DCLRE1C: variants seen among roughly 807,000 people sequenced by gnomAD.
DCLRE1C encodes the protein DNA cross-link repair 1C.
In DCLRE1C, 47 loss-of-function variants were observed where a neutral mutation model predicts 61.4. That is an observed-to-expected ratio of 0.77 (90% CI 0.61 to 0.98). The LOEUF (loss-of-function observed/expected upper bound fraction) is 0.98. Among genes scored for constraint, DCLRE1C ranks in the 50% least tolerant of loss-of-function variants. The pLI, the probability that DCLRE1C is intolerant of heterozygous loss-of-function variation, is 0.00. For missense variants in DCLRE1C, 858 were observed against 816.0 expected (o/e 1.05, Z -0.63); for synonymous variants, 337 against 287.6 (o/e 1.17, Z -1.74).
At chr10:14,899,739 G>C, downstream of DCLRE1C, 1 of 1,579,786 alleles carries the variant, frequency 6.3e-7, no homozygotes, top group Non-Finnish European at 8.6e-7. Context: ...CCTAGTACTA[G>C]TTTCCATAGC....
chr10:14,897,369 A>G (rs1231795610), exon 14 of DCLRE1C: 1 of 1,613,080 alleles, frequency 6.2e-7, no homozygotes, highest in African/African-American at 1.3e-5. Flanking sequence ...TCAAGGTGTC[A>G]GTGTGGTCCT....
At chr10:14,940,141 CCTT>C (rs1294767547) in intron 3 of DCLRE1C, among the ~76,000 whole-genome samples, 4 of 152,104 alleles carry the variant, frequency 2.6e-5, no homozygotes, top group Non-Finnish European at 2.9e-5. Context: ...CATTTTTCCT[CCTT>C]CATCTCCCCA....
chr10:14,939,757 A>G (rs1305489443), intron 4 of DCLRE1C, 53 bp downstream of exon 4: 1 of 1,446,636 alleles, frequency 6.9e-7, no homozygotes, highest in Admixed American at 1.7e-5. Flanking sequence ...AATATAAACA[A>G]TCATTTTAGC....
At chr10:14,924,665 G>A (rs926514988) in intron 11 of DCLRE1C, among the ~76,000 whole-genome samples, 1 of 151,924 alleles carries the variant, frequency 6.6e-6, no homozygotes, top group African/African-American at 2.4e-5. Context: ...TGGCTAACAC[G>A]GTGAAACCCC....
At chr10:14,913,219 G>A (rs77773235) in intron 13 of DCLRE1C, among the ~76,000 whole-genome samples, 8,313 of 152,320 alleles carry the variant, frequency 0.055, 297 homozygotes, top group South Asian at 0.15. Context: ...CCATAGATTA[G>A]TTGCGGCCTA....
intron 4 of DCLRE1C, among the ~76,000 whole-genome samples, chr10:14,937,127 G>A (rs1365788798): frequency 6.6e-6 from 1 of 152,140 alleles, no homozygotes; most frequent in African/African-American, 2.4e-5. Flanking sequence ...GTCCAATACA[G>A]TAGTGGTTGC....
Position 14,934,428 on chromosome 10 carries a change from A to G in DCLRE1C, c.630T>C (p.Tyr210=), listed in dbSNP as rs1839557963. ...GGTTGGTGAACAGATATTCATAGCC[A>G]TAAGCCGCTTTGCAGTTCAGCCACA... is the stretch of plus-strand genomic sequence containing the variant. ...HVVWLNCKAA[Y]GYEYLFTNLS... The change falls in exon 8 of 14, where the codon TAT becomes TAC. Residue 210 remains tyrosine, a synonymous_variant. Transcript: ENST00000378278. The G allele has an allele frequency of 6.2e-7, 1 of 1,614,166 alleles. No homozygotes were observed. The highest frequency in any genetic ancestry group is 8.5e-7 in the Non-Finnish European group (1 of 1,180,034).
chr10:14,934,747 C>T lies in DCLRE1C; in HGVS notation c.493G>A (p.Asp165Asn). The T allele has an allele frequency of 6.2e-7, 1 of 1,613,770 alleles. No individual in the cohort carries two copies. The highest frequency in any genetic ancestry group is 8.5e-7 in the Non-Finnish European group (1 of 1,179,746). The change falls in exon 7 of 14, where the codon GAT becomes AAT. Residue 165 changes from aspartate to asparagine, a missense_variant. By Grantham distance (23) the Asp-to-Asn change is conservative (BLOSUM62 1). Coordinates refer to ENST00000378278, the MANE Select transcript of DCLRE1C (RefSeq NM_001033855.3). ...RVKDIQSVYL[D>N]TTFCDPRFYQ... is the part of the protein sequence containing the mutation. Reference sequence around the variant, plus strand: ...AATCTTGGATCACAGAACGTAGTATCCAAATATACACTTTGGATGTCTTTG... The same window carrying T: ...AATCTTGGATCACAGAACGTAGTATTCAAATATACACTTTGGATGTCTTTG...
chr10:14,935,740 C>T (rs1255716618), intron 5 of DCLRE1C, among the ~76,000 whole-genome samples, 176 bp from the exon 6 acceptor site: 4 of 152,076 alleles, frequency 2.6e-5, no homozygotes, highest in African/African-American at 4.8e-5. Context: ...CCTCTTCCCT[C>T]GGGTAGAAAA....
At chr10:14,913,066 A>C (rs2131820304) in intron 13 of DCLRE1C, among the ~76,000 whole-genome samples, 1 of 152,048 alleles carries the variant, frequency 6.6e-6, no homozygotes, top group Admixed American at 6.6e-5. Context: ...CGTGTTAGCC[A>C]GGATGGTCTC....
intron 12 of DCLRE1C, among the ~76,000 whole-genome samples, chr10:14,920,118 A>G (rs11818131): frequency 0.011 from 1,671 of 152,294 alleles, 33 homozygotes; most frequent in African/African-American, 0.038. Context: ...TCAGTAGACT[A>G]AGGTAAAACT....
rs1833682902 is a variant in DCLRE1C, at chr10:14,897,699, A to G, written c.*1465T>C. On this transcript the variant is annotated 3_prime_UTR_variant, in exon 14 of 14. Transcript: ENST00000378289. ...GCATATTTAGAAATAAAAAACTTTT[A>G]TATGAATAAAAAATATACGTTAAAA... The G allele has an allele frequency of 1.6e-5, 7 of 445,046 alleles. No homozygotes were observed. In the East Asian group the frequency reaches 2.2e-4, roughly 14 times the overall value. The allele number at this position is 445,046 out of a possible 1,614,324, so 27.6% of individuals were successfully genotyped here. A position where few individuals can be genotyped will look rare whatever the true frequency, so the allele number is the denominator to read the frequency against.
intron 3 of DCLRE1C, among the ~76,000 whole-genome samples, chr10:14,942,962 T>C (rs1336370985): frequency 6.6e-6 from 1 of 151,966 alleles, no homozygotes; most frequent in Non-Finnish European, 1.5e-5. Context: ...CCATCTCTAC[T>C]AAAAAATACA....
chr10:14,951,616 T>G (rs1797545912), intron 1 of DCLRE1C, among the ~76,000 whole-genome samples: 1 of 152,034 alleles, frequency 6.6e-6, no homozygotes, highest in Admixed American at 6.6e-5. Context: ...GCTGGGAAGA[T>G]CAAGATGCGG....
At chr10:14,929,421 T>A (rs1488077839) in intron 9 of DCLRE1C, among the ~76,000 whole-genome samples, 2 of 126,804 alleles carry the variant, frequency 1.6e-5, no homozygotes, top group East Asian at 2.2e-4. Flanking sequence ...CATTTTTTTT[T>A]AATTAAAAAA....
rs1564451591 is a variant in DCLRE1C at position 14,938,163 on chromosome 10, A to T, written c.307-1570T>A. On this transcript the variant is annotated intron_variant, in intron 4 of 13. Coordinates refer to ENST00000378278, the MANE Select transcript of DCLRE1C (RefSeq NM_001033855.3). Reference sequence around the variant, plus strand: ...ACAATGCATAAAAGTCATGGCACACAGGAAGAAACATAAAAAATCAAAGTG... The same window carrying T: ...ACAATGCATAAAAGTCATGGCACACTGGAAGAAACATAAAAAATCAAAGTG... Among the ~76,000 whole-genome samples, 3 of 152,252 alleles carry T rather than the reference A, an allele frequency of 2.0e-5. No homozygotes were observed. In the South Asian group the frequency reaches 6.2e-4, roughly 32 times the overall value.
intron 6 of DCLRE1C, among the ~76,000 whole-genome samples, chr10:14,935,236 G>A (rs1453006158): frequency 6.6e-6 from 1 of 151,984 alleles, no homozygotes; most frequent in Admixed American, 6.6e-5. Flanking sequence ...GGAGGCCAAG[G>A]GGGGCAGATC....
At chr10:14,935,371 C>G (rs1839738440) in intron 6 of DCLRE1C, 92 bp downstream of exon 6, 2 of 1,383,018 alleles carry the variant, frequency 1.4e-6, no homozygotes, top group Non-Finnish European at 2.0e-6. Context: ...GAGGCTGAGG[C>G]AGGAGAATCG....
In DCLRE1C at chr10:14,920,670, C is replaced by T. The variant is rs183857294; in HGVS notation, c.1062-838G>A. Among the ~76,000 whole-genome samples the T allele has an allele frequency of 4.6e-5, 7 of 152,304 alleles. No homozygotes were observed. In the East Asian group the frequency reaches 9.7e-4, roughly 21 times the overall value. ...GTTGTCTTCCCCCACCTACCTACAA[C>T]AGAATTGTCTGCTAGAAATGAAGGA... is the stretch of plus-strand genomic sequence containing the variant. On this transcript the variant is annotated intron_variant, in intron 12 of 13. Coordinates refer to ENST00000378278, the MANE Select transcript of DCLRE1C (RefSeq NM_001033855.3).
Sources: gnomAD v4.1 joint callset for allele counts (sites outside exome capture counted in the v4.1 genomes callset) on GRCh38, gnomAD v4.1.1 for gene constraint, MANE v1.5 for transcripts, NCBI Gene and HGNC (gene_info 2026-07-23, HGNC 2026-07-21) for gene names.